Variants in ABL2 observed in about 807,000 individuals in gnomAD.
The protein encoded by ABL2 is ABL proto-oncogene 2, non-receptor tyrosine kinase, also known as tyrosine-protein kinase ABL2.
Under a neutral mutation model 107.7 loss-of-function variants are expected in ABL2, and 49 were observed. The observed-to-expected ratio is 0.45, with a 90% CI of 0.36 to 0.58. The LOEUF (loss-of-function observed/expected upper bound fraction) is 0.58, where lower values mean the gene tolerates loss of function less well. Among genes scored for constraint, ABL2 ranks in the 20% least tolerant of loss-of-function variants. The probability of loss-of-function intolerance (pLI) is 0.00; values close to 1 mark genes in which losing one functional copy is unlikely to be tolerated. For synonymous variants in ABL2, 549 were observed against 548.6 expected (o/e 1.00, Z -0.01); for missense variants, 1,245 against 1,457.0 (o/e 0.85, Z 2.37).
chr1:179,150,648 T>C (rs1168473483), intron 1 of ABL2, among the ~76,000 whole-genome samples: 6 of 152,204 alleles, frequency 3.9e-5, no homozygotes, highest in Non-Finnish European at 8.8e-5. Context: ...GGAATACTGT[T>C]TAATTATGAC....
Position 179,116,458 on chromosome 1 carries a change from TA to T in ABL2, c.1408+873del, listed in dbSNP as rs1340279091. Reference sequence around the variant, plus strand: ...TAGCACTCCAATGCAATAAGAGATCTAGACTGTGAGCTCTCTGAAGGCAGGG... The same window carrying T: ...TAGCACTCCAATGCAATAAGAGATCTGACTGTGAGCTCTCTGAAGGCAGGG... On this transcript the variant is annotated intron_variant, in intron 8 of 11. Transcript: ENST00000502732. Among the ~76,000 whole-genome samples, 5 of 151,974 alleles carry T rather than the reference TA, an allele frequency of 3.3e-5. No homozygotes were observed. The East Asian group carries it at 9.6e-4, about 29-fold the overall frequency.
intron 1 of ABL2, among the ~76,000 whole-genome samples, chr1:179,171,739 T>C (rs542449979): frequency 6.6e-6 from 1 of 152,240 alleles, no homozygotes; most frequent in African/African-American, 2.4e-5. Context: ...GTCCAAACCC[T>C]TTGCCTCAAG....
intron 1 of ABL2, among the ~76,000 whole-genome samples, chr1:179,178,055 G>C (rs952835882): frequency 1.1e-4 from 16 of 152,130 alleles, no homozygotes; most frequent in African/African-American, 3.9e-4. Context: ...GGAAATAAAA[G>C]GTTCAAGTTC....
chr1:179,188,760 CT>C (rs1389353862), intron 1 of ABL2, among the ~76,000 whole-genome samples: 1 of 152,154 alleles, frequency 6.6e-6, no homozygotes, highest in East Asian at 1.9e-4. Context: ...TGCTCAGTAA[CT>C]GTTGAGTAGA....
intron 1 of ABL2, among the ~76,000 whole-genome samples, chr1:179,147,921 G>A (rs1444883478): frequency 6.6e-6 from 1 of 152,066 alleles, no homozygotes; most frequent in African/African-American, 2.4e-5. Flanking sequence ...AATAGTATAA[G>A]TACATGTTGT....
intron 1 of ABL2, among the ~76,000 whole-genome samples, chr1:179,158,294 T>C (rs1658832936): frequency 6.6e-6 from 1 of 152,148 alleles, no homozygotes; most frequent in Non-Finnish European, 1.5e-5. Flanking sequence ...GGGAGAGAAA[T>C]AATACATAAC....
At chr1:179,166,430 A>C (rs1190910522) in intron 1 of ABL2, among the ~76,000 whole-genome samples, 1 of 151,972 alleles carries the variant, frequency 6.6e-6, no homozygotes, top group Admixed American at 6.5e-5. Context: ...AACTCATTTA[A>C]CAAGTGGAAA....
At chr1:179,179,098 G>T (rs1319596861) in intron 1 of ABL2, among the ~76,000 whole-genome samples, 1 of 152,132 alleles carries the variant, frequency 6.6e-6, no homozygotes, top group Non-Finnish European at 1.5e-5. Flanking sequence ...TACATCCTAA[G>T]CAGGAATACA....
chr1:179,167,627 ACT>A lies in ABL2; in HGVS notation c.158-34255_158-34254del, dbSNP rs529133231. 2.9e-3 allele frequency among the ~76,000 whole-genome samples: 447 copies of A among 152,310 alleles called. 3 individuals are homozygous for A. The highest frequency in any genetic ancestry group is 6.8e-3 in the Middle Eastern group (2 of 294). On this transcript the variant is annotated intron_variant, in intron 1 of 11. Transcript: ENST00000502732. The stretch of plus-strand genomic sequence containing the variant: ...ACCCAAGGTGATGGACACCCCAAAT[ACT>A]CTGACTTAACCATTACTCATTCTAT...
intron 1 of ABL2, among the ~76,000 whole-genome samples, chr1:179,221,324 C>T (rs1662851057): frequency 6.6e-6 from 1 of 152,148 alleles, no homozygotes; most frequent in African/African-American, 2.4e-5. Context: ...GGCACAGTGG[C>T]TCACATTTGT....
chr1:179,220,735 A>T (rs901222137), intron 1 of ABL2, among the ~76,000 whole-genome samples: 1 of 152,186 alleles, frequency 6.6e-6, no homozygotes, highest in Non-Finnish European at 1.5e-5. Flanking sequence ...ATTATTTCTG[A>T]CAGCTACATA....
intron 1 of ABL2, among the ~76,000 whole-genome samples, chr1:179,135,392 G>A (rs1003181503): frequency 9.9e-5 from 15 of 151,746 alleles, no homozygotes; most frequent in African/African-American, 3.1e-4. Context: ...CACCCCGTCC[G>A]GGATGTGAGA....
At chr1:179,224,468 C>T (rs943466981) in intron 1 of ABL2, among the ~76,000 whole-genome samples, 11 of 151,910 alleles carry the variant, frequency 7.2e-5, no homozygotes, top group African/African-American at 2.7e-4. Flanking sequence ...AGGGTTTCAC[C>T]ATGTTGGCCA....
intron 1 of ABL2, among the ~76,000 whole-genome samples, chr1:179,217,625 CAAAAA>C (rs544339454): frequency 9.8e-6 from 1 of 102,166 alleles, no homozygotes; most frequent in African/African-American, 3.8e-5. Flanking sequence ...GACTCCACCT[CAAAAA>C]AAAAAAAAAA....
chr1:179,111,897 T>C (rs916700430), intron 10 of ABL2, among the ~76,000 whole-genome samples: 2 of 151,998 alleles, frequency 1.3e-5, no homozygotes, highest in African/African-American at 4.8e-5. Flanking sequence ...TAACAAAAAT[T>C]AGCCAGGTGT....
At chr1:179,144,413 T>C (rs1345521320) in intron 1 of ABL2, among the ~76,000 whole-genome samples, 1 of 151,974 alleles carries the variant, frequency 6.6e-6, no homozygotes, top group Admixed American at 6.5e-5. Context: ...TGAGCCAAGA[T>C]CGCGCCACTG....
intron 1 of ABL2, among the ~76,000 whole-genome samples, chr1:179,137,004 CAG>C (rs974949267): frequency 4.6e-5 from 7 of 151,100 alleles, no homozygotes; most frequent in African/African-American, 1.7e-4. Context: ...TCTCCAGTTT[CAG>C]AGTTTCATAT....
At chr1:179,115,852 G>C (rs74380545) in intron 8 of ABL2, among the ~76,000 whole-genome samples, 2,007 of 152,256 alleles carry the variant, frequency 0.013, 43 homozygotes, top group African/African-American at 0.046. Context: ...TCAGTTATTT[G>C]AGTTTGAGAT....
chr1:179,126,805 T>TA lies in ABL2; in HGVS notation c.392-134dup. On this transcript the variant is annotated intron_variant, in intron 3 of 11. Coordinates refer to ENST00000502732, the MANE Select transcript of ABL2 (RefSeq NM_007314.4). This position sits in a 1 kb window ranked among gnomAD's most constrained non-coding sequence, Gnocchi z 4.4. ...GAACTTTTATGCCAAATTTTTTTTT[T>TA]AAATAATGAAAACAAACTTGGCTGT... 1 of 966,468 alleles carries TA rather than the reference T, an allele frequency of 1.0e-6. No homozygotes were observed. The highest frequency in any genetic ancestry group is 1.5e-6 in the Non-Finnish European group (1 of 673,312). The allele number at this position is 966,468 out of a possible 1,614,324, so 59.9% of individuals were successfully genotyped here.
Sources: gnomAD v4.1 joint callset for allele counts (sites outside exome capture counted in the v4.1 genomes callset) on GRCh38, gnomAD v4.1.1 for gene constraint, Gnocchi (gnomAD v3.1) non-coding constraint, MANE v1.5 for transcripts, NCBI Gene and HGNC (gene_info 2026-07-23, HGNC 2026-07-21) for gene names.